The following KLHL1 variants were observed in gnomAD, a reference collection of about 807,000 sequenced individuals.
KLHL1 encodes kelch-like protein 1.
Under a neutral mutation model 77.7 loss-of-function variants are expected in KLHL1, and 47 were observed. The observed-to-expected ratio is 0.60, with a 90% confidence interval of 0.48 to 0.77. The LOEUF is 0.77. KLHL1 is among the 30% of genes least tolerant of loss of function. The pLI, the probability that KLHL1 is intolerant of heterozygous loss-of-function variation, is 0.00. For synonymous variants in KLHL1, 360 were observed against 325.2 expected (o/e 1.11, Z -1.15); for missense variants, 925 against 910.8 (o/e 1.02, Z -0.20).
At chr13:69,734,694 T>A (rs1451506438) in intron 8 of KLHL1, among the ~76,000 whole-genome samples, 1 of 152,060 alleles carries the variant, frequency 6.6e-6, no homozygotes, top group East Asian at 1.9e-4. Flanking sequence ...CAATATAGAA[T>A]GAAGATACAG....
At chr13:70,005,379 C>CA (rs1885381555) in intron 1 of KLHL1, among the ~76,000 whole-genome samples, 1 of 152,030 alleles carries the variant, frequency 6.6e-6, no homozygotes. Context: ...GTCCAACCTG[C>CA]AGCCTGCAAG....
At chr13:69,837,071 A>T (rs1879024212) in intron 6 of KLHL1, among the ~76,000 whole-genome samples, 1 of 151,852 alleles carries the variant, frequency 6.6e-6, no homozygotes, top group Non-Finnish European at 1.5e-5. Context: ...TTAAGACAAA[A>T]TTTTTTTGAC....
chr13:69,902,966 AG>A (rs1309287306), intron 4 of KLHL1, among the ~76,000 whole-genome samples: 3 of 152,200 alleles, frequency 2.0e-5, no homozygotes, highest in African/African-American at 7.2e-5. Context: ...ATAATGAAAA[AG>A]TATGTATGAT....
At chr13:69,875,487 C>G (rs986088771) in intron 5 of KLHL1, among the ~76,000 whole-genome samples, 15 of 152,040 alleles carry the variant, frequency 9.9e-5, no homozygotes, top group African/African-American at 3.1e-4. Flanking sequence ...TTGATTCAAG[C>G]AGAAACACTT....
chr13:69,823,758 C>A (rs1878434999), intron 6 of KLHL1, among the ~76,000 whole-genome samples: 1 of 152,008 alleles, frequency 6.6e-6, no homozygotes, highest in South Asian at 2.1e-4. Flanking sequence ...ACTTCTCTTA[C>A]CTCTTGCTTG....
intron 4 of KLHL1, among the ~76,000 whole-genome samples, chr13:69,884,730 C>T (rs1019040631): frequency 1.1e-4 from 16 of 152,088 alleles, no homozygotes; most frequent in African/African-American, 3.6e-4. Context: ...AATAATTGCA[C>T]TTCTCCTGAA....
chr13:69,765,957 G>A (rs1875281803), intron 7 of KLHL1, among the ~76,000 whole-genome samples: 1 of 152,168 alleles, frequency 6.6e-6, no homozygotes. Context: ...CTTAGCCTCA[G>A]TTGACTAACA....
At chr13:70,059,288 A>T (rs1163428581) in intron 1 of KLHL1, among the ~76,000 whole-genome samples, 1 of 151,576 alleles carries the variant, frequency 6.6e-6, no homozygotes, top group African/African-American at 2.4e-5. Context: ...ACTCCCAAGT[A>T]TCTAGGATTA....
intron 1 of KLHL1, among the ~76,000 whole-genome samples, chr13:70,039,252 T>C (rs993450415): frequency 2.6e-5 from 4 of 151,918 alleles, no homozygotes; most frequent in African/African-American, 7.3e-5. Context: ...GTTTGTTTGT[T>C]TGTTTGCTTT....
chr13:69,883,419 T>G (rs1311142993), intron 4 of KLHL1, among the ~76,000 whole-genome samples: 1 of 152,194 alleles, frequency 6.6e-6, no homozygotes, highest in Non-Finnish European at 1.5e-5. Flanking sequence ...ATTTCAAGAT[T>G]CAATGCAAGA....
At chr13:70,094,821 C>A (rs967015077) in intron 1 of KLHL1, among the ~76,000 whole-genome samples, 3 of 152,154 alleles carry the variant, frequency 2.0e-5, no homozygotes, top group African/African-American at 4.8e-5. Flanking sequence ...TTTCTAACTA[C>A]CTGTGTTTCC....
At chr13:69,719,741 A>G (rs1872957147) in intron 8 of KLHL1, among the ~76,000 whole-genome samples, 160 bp from the exon 9 acceptor site, 1 of 152,000 alleles carries the variant, frequency 6.6e-6, no homozygotes, top group Non-Finnish European at 1.5e-5. Context: ...ATAAATGATC[A>G]TATATACTAG....
At chr13:70,089,694 C>G (rs1250296315) in intron 1 of KLHL1, among the ~76,000 whole-genome samples, 2 of 152,088 alleles carry the variant, frequency 1.3e-5, no homozygotes, top group Admixed American at 6.5e-5. Context: ...AGATTTAACT[C>G]ATGATTTTCC....
chr13:69,876,362 A>T (rs923121402), intron 5 of KLHL1, among the ~76,000 whole-genome samples: 2 of 152,176 alleles, frequency 1.3e-5, no homozygotes, highest in African/African-American at 4.8e-5. Flanking sequence ...TTTTCCAATG[A>T]AAAAGGTTGG....
At chr13:69,782,582 A>C (rs1172950727) in intron 7 of KLHL1, among the ~76,000 whole-genome samples, 1 of 152,176 alleles carries the variant, frequency 6.6e-6, no homozygotes, top group East Asian at 1.9e-4. Flanking sequence ...GGAGTCTGAG[A>C]TCAAACTGCA....
At chr13:69,743,025 G>GT (rs1447755196) in intron 7 of KLHL1, among the ~76,000 whole-genome samples, 1 of 152,140 alleles carries the variant, frequency 6.6e-6, no homozygotes, top group African/African-American at 2.4e-5. Flanking sequence ...AAGAGATCCT[G>GT]AAATCAACTT....
intron 2 of KLHL1, among the ~76,000 whole-genome samples, chr13:69,967,076 G>C (rs1884232553): frequency 6.6e-6 from 1 of 152,072 alleles, no homozygotes; most frequent in South Asian, 2.1e-4. Flanking sequence ...AAATATACAA[G>C]CACAGGTTTT....
intron 3 of KLHL1, among the ~76,000 whole-genome samples, chr13:69,955,892 T>G (rs1265421764): frequency 1.4e-5 from 2 of 138,102 alleles, no homozygotes; most frequent in African/African-American, 2.6e-5. Context: ...TATATATATT[T>G]GATATATTTA....
chr13:69,757,309 T>C (rs1297841670), intron 7 of KLHL1, among the ~76,000 whole-genome samples: 3 of 152,134 alleles, frequency 2.0e-5, no homozygotes, highest in Admixed American at 1.3e-4. Context: ...AATTTCATTA[T>C]TTCTGTGGCC....
Sources: allele counts gnomAD v4.1 joint callset (sites outside exome capture counted in the v4.1 genomes callset), GRCh38; gene constraint gnomAD v4.1.1; transcripts MANE v1.5; gene names NCBI Gene and HGNC (gene_info 2026-07-23, HGNC 2026-07-21).